Variants in RHOQ observed in about 807,000 individuals in gnomAD.
RHOQ encodes the protein ras homolog family member Q, also known as rho-related GTP-binding protein RhoQ.
RHOQ carries 7 observed loss-of-function variants against 25.8 expected under a neutral mutation model. The observed-to-expected ratio is 0.27, with a 90% CI of 0.15 to 0.51. The LOEUF is 0.51. Among genes scored for constraint, RHOQ ranks in the 20% least tolerant of loss-of-function variants. RHOQ has a pLI of 0.97. For synonymous variants in RHOQ, 97 were observed against 98.6 expected, an observed-to-expected ratio of 0.98 and a Z score of 0.10; for missense variants, 165 against 260.6, an observed-to-expected ratio of 0.63 and a Z score of 2.53.
intron 2 of RHOQ, among the ~76,000 whole-genome samples, chr2:46,551,906 T>C (rs1668254063): frequency 6.6e-6 from 1 of 152,210 alleles, no homozygotes; most frequent in Non-Finnish European, 1.5e-5. Flanking sequence ...CTGTCTCATT[T>C]TGCAGATCTG....
Position 46,547,829 on chromosome 2 carries a change from CGATG to C in RHOQ, c.201+4019_201+4022del, listed in dbSNP as rs1668119074. ...CCTCCTGCTACTGCACTGTTTGGAGCGATGGGAAGTGGAAAGAGCTCTCCCTCTC... is the reference window on the plus strand; with the variant it reads ...CCTCCTGCTACTGCACTGTTTGGAGCGGAAGTGGAAAGAGCTCTCCCTCTC... On this transcript the variant is annotated intron_variant, in intron 2 of 4. Transcript: ENST00000238738. 2.6e-5 allele frequency among the ~76,000 whole-genome samples: 4 copies of C among 152,316 alleles called. No individual in the cohort carries two copies. In the South Asian group the frequency reaches 8.3e-4, roughly 32 times the overall value.
At position 46,569,844 on chromosome 2, in the gene RHOQ, G is replaced by A. The variant is rs1272908325; in HGVS notation, c.202-6243G>A. ...TAAAAAAGAAAAGAAAACACCAGAT[G>A]TTTGCAAAGTTTTTGAAAAACAGTG... On this transcript the variant is annotated intron_variant, in intron 2 of 4. Transcript: ENST00000238738. This position sits in a 1 kb window ranked among gnomAD's most constrained non-coding sequence, Gnocchi z 4.1. 1.3e-5 allele frequency among the ~76,000 whole-genome samples: 2 copies of A among 152,090 alleles called. No homozygotes were observed. Among genetic ancestry groups the A allele is most frequent in the African/African-American group, 2.4e-5 (1 of 41,416 alleles).
rs1450365478 is a variant in RHOQ at position 46,542,755 on chromosome 2, T to G, written c.-292T>G. The G allele has an allele frequency of 6.9e-6, 1 of 145,710 alleles. No individual in the cohort carries two copies. The highest frequency in any genetic ancestry group is 1.5e-5 in the Non-Finnish European group (1 of 65,452). 9.0% of individuals were successfully genotyped at this position (145,710 alleles called of 1,614,324 possible). A position where few individuals can be genotyped will look rare whatever the true frequency, so the allele number is the denominator to read the frequency against. ...GGTCTTATGATCCGGCGGATCCTCC[T>G]GGGGAGGCCGGGCCGGGGAGAGGGC... On this transcript the variant is annotated 5_prime_UTR_variant, in exon 1 of 5. Coordinates refer to ENST00000238738, the MANE Select transcript of RHOQ (RefSeq NM_012249.4).
chr2:46,570,792 G>A (rs759375609), intron 2 of RHOQ, among the ~76,000 whole-genome samples: 6 of 152,180 alleles, frequency 3.9e-5, no homozygotes, highest in African/African-American at 1.2e-4. Context: ...CTCTCTTCAC[G>A]TAGTCAGAAG....
At chr2:46,574,264 C>T (rs188736387) in intron 2 of RHOQ, among the ~76,000 whole-genome samples, 2 of 151,788 alleles carry the variant, frequency 1.3e-5, no homozygotes, top group East Asian at 1.9e-4. Context: ...CCCCATTTCC[C>T]GGCCATGACA....
intron 2 of RHOQ, among the ~76,000 whole-genome samples, chr2:46,572,107 G>GTGTTTTTTTTTT (rs1553422127): frequency 9.1e-5 from 6 of 66,258 alleles, no homozygotes; most frequent in South Asian, 5.8e-4. Flanking sequence ...GTAAGTGTGT[G>GTGTTTTTTTTTT]TTTTTTTTTT....
rs1370755893 is a variant in RHOQ, at chr2:46,555,910, C to T, written c.201+12098C>T. On this transcript the variant is annotated intron_variant, in intron 2 of 4. Transcript: ENST00000238738. The surrounding 1 kb of genome is among the most constrained non-coding windows in gnomAD (Gnocchi z 4.3). ...ATCTAGGCAAGCTGGTGTTAAGACG[C>T]AAGTAATTACTCAGAGAAATTGCTG... Among the ~76,000 whole-genome samples, 1 of 152,178 alleles carries T rather than the reference C, an allele frequency of 6.6e-6. No homozygotes were observed. The highest frequency in any genetic ancestry group is 1.5e-5 in the Non-Finnish European group (1 of 68,028).
chr2:46,561,124 ATGTC>A (rs1668564489), intron 2 of RHOQ, among the ~76,000 whole-genome samples: 2 of 150,978 alleles, frequency 1.3e-5, no homozygotes, highest in South Asian at 2.1e-4. Flanking sequence ...GCACGTTTAT[ATGTC>A]TGTGTGTGTG....
At chr2:46,564,904 G>A (rs370486736) in intron 2 of RHOQ, among the ~76,000 whole-genome samples, 6 of 152,340 alleles carry the variant, frequency 3.9e-5, no homozygotes, top group East Asian at 3.9e-4. Flanking sequence ...CTGAGCTGTC[G>A]CATACACCCT....
chr2:46,564,735 T>C lies in RHOQ; in HGVS notation c.202-11352T>C, dbSNP rs868829836. On this transcript the variant is annotated intron_variant, in intron 2 of 4. Coordinates refer to ENST00000238738, the MANE Select transcript of RHOQ (RefSeq NM_012249.4). ...GTGTTGCCTTTGTCTATTAAAAGGA[T>C]GTGTGTAAGTATGTATGTCAACTGG... Among the ~76,000 whole-genome samples, 3 of 152,322 alleles carry C rather than the reference T, an allele frequency of 2.0e-5. 1 individual carries two copies. The highest frequency in any genetic ancestry group is 2.0e-4 in the Admixed American group (3 of 15,298).
intron 2 of RHOQ, among the ~76,000 whole-genome samples, chr2:46,547,864 A>G (rs1444970349): frequency 1.3e-5 from 2 of 152,220 alleles, no homozygotes; most frequent in Non-Finnish European, 2.9e-5. Context: ...CTCTCTGTCC[A>G]GACAGGCCAG....
At chr2:46,565,571 G>A (rs927277084) in intron 2 of RHOQ, among the ~76,000 whole-genome samples, 3 of 152,218 alleles carry the variant, frequency 2.0e-5, no homozygotes, top group Admixed American at 6.5e-5. Context: ...ACATCTGGCC[G>A]AAAGTGACAT....
rs369524587 is a variant in RHOQ at position 46,556,769 on chromosome 2, G to A, written c.201+12957G>A. On this transcript the variant is annotated intron_variant, in intron 2 of 4. Coordinates refer to ENST00000238738, the MANE Select transcript of RHOQ (RefSeq NM_012249.4). The surrounding 1 kb of genome is among the most constrained non-coding windows in gnomAD (Gnocchi z 4.9). ...TGTGCATATAAATCATGAAATGTGAGTGAGGAGTGTTAGAAAGGTGCCCAA... is the reference window on the plus strand; with the variant it reads ...TGTGCATATAAATCATGAAATGTGAATGAGGAGTGTTAGAAAGGTGCCCAA... Among the ~76,000 whole-genome samples, 16 of 152,246 alleles carry A rather than the reference G, an allele frequency of 1.1e-4. No individual in the cohort carries two copies. The East Asian group carries it at 1.5e-3, about 15-fold the overall frequency.
chr2:46,555,315 A>G lies in RHOQ; in HGVS notation c.201+11503A>G, dbSNP rs2103994413. Among the ~76,000 whole-genome samples, 1 of 152,186 alleles carries G rather than the reference A, an allele frequency of 6.6e-6. No homozygotes were observed. Among genetic ancestry groups the G allele is most frequent in the East Asian group, 1.9e-4 (1 of 5,186 alleles). ...ATTCATGTGTAAATCTTTGCTCCCC[A>G]TGCAGATTGTAAACTCTTCCCCTTG... On this transcript the variant is annotated intron_variant, in intron 2 of 4. Transcript: ENST00000238738. This position sits in a 1 kb window ranked among gnomAD's most constrained non-coding sequence, Gnocchi z 4.3.
At chr2:46,559,991 A>G (rs1177630294) in intron 2 of RHOQ, among the ~76,000 whole-genome samples, 1 of 152,196 alleles carries the variant, frequency 6.6e-6, no homozygotes, top group African/African-American at 2.4e-5. Flanking sequence ...ACCAGAGAAT[A>G]AGTATCATCT....
At chr2:46,575,511 G>A (rs1235634187) in intron 2 of RHOQ, among the ~76,000 whole-genome samples, 1 of 151,934 alleles carries the variant, frequency 6.6e-6, no homozygotes, top group Non-Finnish European at 1.5e-5. Context: ...TAGTGGTTAA[G>A]AGTATAGACT....
rs566361629 is a variant in RHOQ at position 46,565,027 on chromosome 2, A to G, written c.202-11060A>G. 5.3e-5 allele frequency among the ~76,000 whole-genome samples: 8 copies of G among 152,244 alleles called. No individual in the cohort carries two copies. The East Asian group carries it at 1.5e-3, about 29-fold the overall frequency. On this transcript the variant is annotated intron_variant, in intron 2 of 4. Coordinates refer to ENST00000238738, the MANE Select transcript of RHOQ (RefSeq NM_012249.4). ...GGCAAATCCTTTTATAGTGTGGAGG[A>G]GAGGAGGTGGGGAGCAGCTGCAGGA...
rs1668853462 is a variant in RHOQ at position 46,569,775 on chromosome 2, A to C, written c.202-6312A>C. 6.6e-6 allele frequency among the ~76,000 whole-genome samples: 1 copy of C among 152,248 alleles called. No homozygotes were observed. The highest frequency in any genetic ancestry group is 1.5e-5 in the Non-Finnish European group (1 of 68,042). ...AGAATTCTTTTACTAAGCGCTAATC[A>C]GGCCAGTGACATATAAATACCATTT... On this transcript the variant is annotated intron_variant, in intron 2 of 4. Coordinates refer to ENST00000238738, the MANE Select transcript of RHOQ (RefSeq NM_012249.4). The surrounding 1 kb of genome is among the most constrained non-coding windows in gnomAD (Gnocchi z 4.1).
In RHOQ at chr2:46,582,994, A is replaced by C. The variant is rs1448532832; in HGVS notation, c.*1911A>C. The stretch of plus-strand genomic sequence containing the variant: ...GAATCTTATGTAACTTTCTTATTTA[A>C]TTTTGGTCTGCTTATTTTTAGATAA... On this transcript the variant is annotated 3_prime_UTR_variant, in exon 5 of 5. Coordinates refer to ENST00000238738, the MANE Select transcript of RHOQ (RefSeq NM_012249.4). 2.0e-5 allele frequency: 3 copies of C among 152,110 alleles called. No homozygotes were observed. Among genetic ancestry groups the C allele is most frequent in the Non-Finnish European group, 4.4e-5 (3 of 68,008 alleles). The allele number at this position is 152,110 out of a possible 1,614,324, so 9.4% of individuals were successfully genotyped here. A position where few individuals can be genotyped will look rare whatever the true frequency, so the allele number is the denominator to read the frequency against.
Sources: allele counts gnomAD v4.1 joint callset (sites outside exome capture counted in the v4.1 genomes callset), GRCh38; gene constraint gnomAD v4.1.1; non-coding constraint Gnocchi (gnomAD v3.1); transcripts MANE v1.5; gene names NCBI Gene and HGNC (gene_info 2026-07-23, HGNC 2026-07-21).